Variants in RYR2 observed in about 807,000 individuals in gnomAD.
RYR2 encodes cardiac muscle ryanodine receptor-calcium release channel.
Under a neutral mutation model 601.1 loss-of-function variants are expected in RYR2, and 227 were observed. That is an observed-to-expected ratio of 0.38 (90% CI 0.34 to 0.42). The LOEUF (loss-of-function observed/expected upper bound fraction) is 0.42, where lower values mean the gene tolerates loss of function less well. Ranked by LOEUF, RYR2 falls within the 10% of genes least tolerant of loss-of-function variation. The pLI is 1.00. For synonymous variants in RYR2, 2,223 were observed against 2,175.1 expected, an observed-to-expected ratio of 1.02 and a Z score of -0.61; for missense variants, 4,646 against 6,156.5, an observed-to-expected ratio of 0.75 and a Z score of 8.21.
Position 237,814,015 on chromosome 1 carries a change from C to T in RYR2, c.14433+4980C>T, listed in dbSNP as rs115256600. 1.8e-3 allele frequency among the ~76,000 whole-genome samples: 277 copies of T among 152,276 alleles called. 1 individual carries two copies. The highest frequency in any genetic ancestry group is 6.2e-3 in the African/African-American group (259 of 41,562). ...ACAGGAGTCTGTGTAGCATTACACACGCTCATATCCCAGTAATTGTCCCTA... is the reference window on the plus strand; with the variant it reads ...ACAGGAGTCTGTGTAGCATTACACATGCTCATATCCCAGTAATTGTCCCTA... On this transcript the variant is annotated intron_variant, in intron 100 of 104. Coordinates refer to ENST00000366574, the MANE Select transcript of RYR2 (RefSeq NM_001035.3).
chr1:237,310,074 G>A (rs1411904400), intron 2 of RYR2, among the ~76,000 whole-genome samples: 2 of 152,216 alleles, frequency 1.3e-5, no homozygotes, highest in African/African-American at 4.8e-5. Flanking sequence ...TGCAGCAGCA[G>A]GCTGAAACGC....
intron 89 of RYR2, among the ~76,000 whole-genome samples, chr1:237,783,099 G>T (rs775548794): frequency 6.6e-6 from 1 of 152,164 alleles, no homozygotes; most frequent in Non-Finnish European, 1.5e-5. Context: ...AATGTAGAAA[G>T]GTGCTTTTCA....
chr1:237,617,450 G>A lies in RYR2; in HGVS notation c.5880G>A (p.Arg1960=), dbSNP rs2148614477. 2 of 1,613,894 alleles carry A rather than the reference G, an allele frequency of 1.2e-6. No homozygotes were observed. The highest frequency in any genetic ancestry group is 1.7e-6 in the Non-Finnish European group (2 of 1,179,832). ...ALNMSAALTA[R]KTKEFRSPPQ... ...ACATGTCAGCTGCACTCACAGCCAGGAAGACAAAGGAATTTAGATCACCAC... is the reference window on the plus strand; with the variant it reads ...ACATGTCAGCTGCACTCACAGCCAGAAAGACAAAGGAATTTAGATCACCAC... The change falls in exon 38 of 105, where the codon AGG becomes AGA. Residue 1960 remains arginine (R), a synonymous_variant. Transcript: ENST00000366574.
At chr1:237,665,491 G>C (rs1684243391) in intron 56 of RYR2, among the ~76,000 whole-genome samples, 1 of 152,012 alleles carries the variant, frequency 6.6e-6, no homozygotes, top group South Asian at 2.1e-4. Context: ...CCTGAAACCA[G>C]GACAGGTTCA....
rs1216025828 is a variant in RYR2, at chr1:237,066,655, T to C, written c.48+24086T>C. 3.8e-3 allele frequency among the ~76,000 whole-genome samples: 456 copies of C among 119,152 alleles called. 2 individuals are homozygous for C. Among genetic ancestry groups the C allele is most frequent in the African/African-American group, 0.013 (437 of 34,442 alleles). 78.2% of individuals were successfully genotyped at this position (119,152 alleles called of 152,430 possible). ...CCCGTGTCTTTCTTTTTTTTTTTTT[T>C]CTTCGAGACGGAGTCTCGCTCTGTC... On this transcript the variant is annotated intron_variant, in intron 1 of 104. Transcript: ENST00000366574.
intron 29 of RYR2, among the ~76,000 whole-genome samples, chr1:237,574,669 A>G (rs2779414): frequency 0.94 from 142,471 of 152,166 alleles, 67,387 homozygotes; most frequent in East Asian, 1. Flanking sequence ...GAGCAACATG[A>G]TGGTAACCTG....
intron 25 of RYR2, among the ~76,000 whole-genome samples, chr1:237,532,464 A>G (rs536393705): frequency 2.0e-5 from 3 of 152,222 alleles, no homozygotes; most frequent in South Asian, 2.1e-4. Flanking sequence ...CTTGAAAGCC[A>G]AAAATTGGAA....
At chr1:237,203,839 GC>G (rs1487981785) in intron 1 of RYR2, among the ~76,000 whole-genome samples, 3 of 152,110 alleles carry the variant, frequency 2.0e-5, no homozygotes, top group Admixed American at 1.3e-4. Context: ...GTTTCCTCTT[GC>G]CCTATTCCGT....
At chr1:237,062,538 TAA>T (rs1558166233) in intron 1 of RYR2, among the ~76,000 whole-genome samples, 3 of 152,204 alleles carry the variant, frequency 2.0e-5, no homozygotes, top group Non-Finnish European at 1.5e-5. Context: ...TCTTAGACTG[TAA>T]AAATATAATT....
In RYR2 at chr1:237,593,471, C is replaced by G; in HGVS notation, c.4276-5C>G. ...TGCCAATATTTGGTTCTGCTATCTT[C>G]ACAGTACTATTACTCAGTGAGAATC... On this transcript the variant is annotated splice_region_variant and splice_polypyrimidine_tract_variant and intron_variant, in intron 32 of 104. Transcript: ENST00000366574. The G allele has an allele frequency of 6.2e-7, 1 of 1,603,014 alleles. No homozygotes were observed. Among genetic ancestry groups the G allele is most frequent in the Non-Finnish European group, 8.5e-7 (1 of 1,175,324 alleles).
In RYR2 at chr1:237,355,175, A is replaced by G. The variant is rs74374607; in HGVS notation, c.274-790A>G. Among the ~76,000 whole-genome samples, 11 of 152,304 alleles carry G rather than the reference A, an allele frequency of 7.2e-5. No homozygotes were observed. In the East Asian group the frequency reaches 1.7e-3, roughly 24 times the overall value. ...GTGTGAAGCAAGCCACAATTCCCAC[A>G]GGACACCAATTATACATTCTATAGA... On this transcript the variant is annotated intron_variant, in intron 3 of 104. Transcript: ENST00000366574.
chr1:237,054,281 CCCTCCCTCCCTTCCTCCTT>C (rs1661680663), intron 1 of RYR2, among the ~76,000 whole-genome samples: 1 of 139,868 alleles, frequency 7.1e-6, no homozygotes, highest in African/African-American at 2.6e-5. Flanking sequence ...CCCTTTTCCT[CCCTCCCTCCCTTCCTCCTT>C]CCTCCCTCTT....
At position 237,106,491 on chromosome 1, in the gene RYR2, T is replaced by A. The variant is rs888917643; in HGVS notation, c.48+63922T>A. On this transcript the variant is annotated intron_variant, in intron 1 of 104. Transcript: ENST00000366574. The surrounding 1 kb of genome is among the most constrained non-coding windows in gnomAD (Gnocchi z 4.4). ...ACAGATGATGTTTCACCAGCTAAGA[T>A]GGAGCGGTCCTGGAAAGAGTGAAGA... 6.6e-6 allele frequency among the ~76,000 whole-genome samples: 1 copy of A among 152,172 alleles called. No individual in the cohort carries two copies. The highest frequency in any genetic ancestry group is 1.5e-5 in the Non-Finnish European group (1 of 68,042).
intron 97 of RYR2, among the ~76,000 whole-genome samples, chr1:237,799,477 T>C (rs1182611239): frequency 6.6e-6 from 1 of 151,964 alleles, no homozygotes; most frequent in Non-Finnish European, 1.5e-5. Context: ...AGTTTTAAAT[T>C]GGCATAGTTT....
intron 27 of RYR2, among the ~76,000 whole-genome samples, chr1:237,552,270 G>T (rs1263302384): frequency 6.6e-6 from 1 of 151,986 alleles, no homozygotes; most frequent in African/African-American, 2.4e-5. Flanking sequence ...CCAAAAAATG[G>T]CAATCAAAGA....
chr1:237,645,456 T>C (rs564376642), intron 48 of RYR2, among the ~76,000 whole-genome samples: 2 of 152,332 alleles, frequency 1.3e-5, no homozygotes, highest in Admixed American at 6.5e-5. Context: ...CTTTACTCTA[T>C]ACTTTGAGCC....
intron 1 of RYR2, among the ~76,000 whole-genome samples, chr1:237,064,938 C>G (rs962812491): frequency 2.0e-5 from 3 of 151,976 alleles, no homozygotes; most frequent in African/African-American, 7.2e-5. Context: ...TCAGTACCAG[C>G]GTCTCTATCA....
intron 1 of RYR2, among the ~76,000 whole-genome samples, chr1:237,080,856 A>C (rs1332952981): frequency 1.1e-5 from 1 of 90,372 alleles, no homozygotes; most frequent in Non-Finnish European, 2.3e-5. Context: ...CACTATTCAC[A>C]ATAGCAAAGA....
chr1:237,603,935 A>G (rs1405846636), intron 35 of RYR2, among the ~76,000 whole-genome samples: 2 of 152,224 alleles, frequency 1.3e-5, no homozygotes, highest in Admixed American at 1.3e-4. Flanking sequence ...GTCCTTAGAG[A>G]CGTACAAAGA....
Sources: gnomAD v4.1 joint callset for allele counts (sites outside exome capture counted in the v4.1 genomes callset) on GRCh38, gnomAD v4.1.1 for gene constraint, Gnocchi (gnomAD v3.1) non-coding constraint, MANE v1.5 for transcripts, NCBI Gene and HGNC (gene_info 2026-07-23, HGNC 2026-07-21) for gene names.